ADGRL1: variants seen among roughly 807,000 people sequenced by gnomAD.
The protein encoded by ADGRL1 is adhesion G protein-coupled receptor L1.
In ADGRL1, 31 loss-of-function variants were observed where a neutral mutation model predicts 148.9. The ratio of observed to expected loss-of-function variants is 0.21; its 90% CI spans 0.16 to 0.28. The LOEUF (loss-of-function observed/expected upper bound fraction) is 0.28, where lower values mean the gene tolerates loss of function less well. ADGRL1 is among the 10% of genes least tolerant of loss of function. The probability of loss-of-function intolerance (pLI) is 1.00; values close to 1 mark genes in which losing one functional copy is unlikely to be tolerated. For synonymous variants in ADGRL1, 937 were observed against 900.3 expected (o/e 1.04, Z -0.73); for missense variants, 1,521 against 2,058.8 (o/e 0.74, Z 5.05).
chr19:14,200,863 C>A (rs1972555101), intron 1 of ADGRL1, among the ~76,000 whole-genome samples: 1 of 152,202 alleles, frequency 6.6e-6, no homozygotes, highest in African/African-American at 2.4e-5. Context: ...AGTGATCCTC[C>A]TGCCTCAGCC....
At chr19:14,172,603 G>A (rs1284543549) in intron 3 of ADGRL1, among the ~76,000 whole-genome samples, 1 of 152,010 alleles carries the variant, frequency 6.6e-6, no homozygotes, top group African/African-American at 2.4e-5. Context: ...AGCCAGGCGT[G>A]GTGGGGCGCA....
chr19:14,159,655 G>A lies in ADGRL1; in HGVS notation c.1840-71C>T. 3 of 1,593,084 alleles carry A rather than the reference G, an allele frequency of 1.9e-6. No individual in the cohort carries two copies. Among genetic ancestry groups the A allele is most frequent in the Non-Finnish European group, 2.6e-6 (3 of 1,162,356 alleles). ...TAATTCCTGGGGGTGGGCTCTGCAT[G>A]CCCTCTTCTCAACCTCCACCCCTAA... On this transcript the variant is annotated intron_variant, in intron 9 of 22. Coordinates refer to ENST00000361434, the MANE Select transcript of ADGRL1 (RefSeq NM_014921.5). This position sits in a 1 kb window ranked among gnomAD's most constrained non-coding sequence, Gnocchi z 6.0.
intron 1 of ADGRL1, among the ~76,000 whole-genome samples, chr19:14,188,136 T>G (rs1971701341): frequency 6.6e-6 from 1 of 152,224 alleles, no homozygotes; most frequent in South Asian, 2.1e-4. Context: ...GGGAAGCCAC[T>G]CGATGCCAAA....
intron 1 of ADGRL1, among the ~76,000 whole-genome samples, chr19:14,196,201 T>C (rs1045269291): frequency 1.3e-5 from 2 of 152,244 alleles, no homozygotes; most frequent in South Asian, 2.1e-4. Context: ...GTCTACAGTA[T>C]GTTTCCCCCA....
chr19:14,195,835 G>A (rs1972224101), intron 1 of ADGRL1, among the ~76,000 whole-genome samples: 1 of 152,152 alleles, frequency 6.6e-6, no homozygotes. Context: ...TGCCCAGAGA[G>A]GGCCCAGGTA....
chr19:14,166,604 G>A (rs947308107), intron 4 of ADGRL1, among the ~76,000 whole-genome samples: 2 of 151,920 alleles, frequency 1.3e-5, no homozygotes, highest in Admixed American at 6.6e-5. Flanking sequence ...GAGAGAGACA[G>A]CTCACCCGGT....
In ADGRL1 at chr19:14,150,842, G is replaced by C; in HGVS notation, c.*31C>G. The C allele has an allele frequency of 6.2e-7, 1 of 1,601,516 alleles. No homozygotes were observed. Among genetic ancestry groups the C allele is most frequent in the Non-Finnish European group, 8.5e-7 (1 of 1,175,170 alleles). On this transcript the variant is annotated 3_prime_UTR_variant, in exon 23 of 23. Coordinates refer to ENST00000361434, the MANE Select transcript of ADGRL1 (RefSeq NM_014921.5). ...CTGCCCAGGGTTCCCTCCCTGGCCT[G>C]GGCCACCAGCCCCTGGTCCATGAGG...
At chr19:14,156,851 G>C (rs1968814164) in intron 15 of ADGRL1, 74 bp downstream of exon 15, 1 of 1,553,148 alleles carries the variant, frequency 6.4e-7, no homozygotes, top group African/African-American at 1.4e-5. Flanking sequence ...ACCGCCCTGA[G>C]GGTCCTGGTC....
intron 1 of ADGRL1, among the ~76,000 whole-genome samples, chr19:14,195,573 C>T (rs537051644): frequency 2.0e-5 from 3 of 152,288 alleles, no homozygotes; most frequent in East Asian, 3.9e-4. Context: ...CCTCTGGCTG[C>T]ATCTCCTGCC....
Position 14,156,219 on chromosome 19 carries a change from G to A in ADGRL1, c.3034-18C>T, listed in dbSNP as rs1968727488. ...AGGTTGACCTGGGGGCGGGACAAGG[G>A]GCAGGCTGGGCTGAGAGTGGCCCTG... On this transcript the variant is annotated intron_variant, in intron 16 of 22. Transcript: ENST00000361434. 1 of 1,593,362 alleles carries A rather than the reference G, an allele frequency of 6.3e-7. No homozygotes were observed. The highest frequency in any genetic ancestry group is 1.3e-5 in the African/African-American group (1 of 74,540).
At chr19:14,183,223 G>GAGAGAGAGAGAGAGAGAGAGAC (rs1568616276) in intron 2 of ADGRL1, among the ~76,000 whole-genome samples, 2 of 152,016 alleles carry the variant, frequency 1.3e-5, no homozygotes, top group African/African-American at 4.8e-5. Context: ...GAGAGCGAGA[G>GAGAGAGAGAGAGAGAGAGAGAC]AGAGACAGAG....
chr19:14,151,715 C>T (rs2144600824), intron 22 of ADGRL1, 100 bp from the exon 23 acceptor site: 1 of 1,225,470 alleles, frequency 8.2e-7, no homozygotes, highest in Admixed American at 2.3e-5. Flanking sequence ...GGCTTGATTC[C>T]TGCTGGTTTT....
chr19:14,160,304 G>A lies in ADGRL1; in HGVS notation c.1615-7C>T. 1.0e-5 allele frequency: 16 copies of A among 1,584,936 alleles called. No individual in the cohort carries two copies. The highest frequency in any genetic ancestry group is 1.4e-5 in the Non-Finnish European group (16 of 1,157,552). ...CGTTCTCCCCACTCTTGATCTGCAT[G>A]AGGTGGGGGCGGGAAGGGGGAATCC... On this transcript the variant is annotated splice_polypyrimidine_tract_variant and splice_region_variant and intron_variant, in intron 7 of 22. Transcript: ENST00000361434. This position sits in a 1 kb window ranked among gnomAD's most constrained non-coding sequence, Gnocchi z 5.9.
Position 14,155,446 on chromosome 19 carries a change from C to G in ADGRL1, c.3207G>C (p.Glu1069Asp). Residue 1069 changes from glutamate to aspartate, a missense_variant, in exon 18 of 23, where the codon GAG becomes GAC. By Grantham distance (45) the Glu-to-Asp change is conservative (BLOSUM62 2). Around this residue, in one of 8 missense-constraint regions of ADGRL1, gnomAD observed 185 missense variants for 251.7 expected, o/e 0.74. Coordinates refer to ENST00000361434, the MANE Select transcript of ADGRL1 (RefSeq NM_014921.5). The surrounding 1 kb of genome is among the most constrained non-coding windows in gnomAD (Gnocchi z 5.0). Reference protein sequence around the residue: ...WAFGLLFINKESVVMAYLFTT... With the variant: ...WAFGLLFINKDSVVMAYLFTT... The stretch of plus-strand genomic sequence containing the variant: ...TGAAGAGATAGGCCATGACCACCGA[C>G]TCCTTGTTGATGAAGAGGAGGCCGA... 1 of 1,614,190 alleles carries G rather than the reference C, an allele frequency of 6.2e-7. No individual in the cohort carries two copies. Among genetic ancestry groups the G allele is most frequent in the Non-Finnish European group, 8.5e-7 (1 of 1,180,014 alleles).
rs780023080 is a variant in ADGRL1 at position 14,155,684 on chromosome 19, C to G, written c.3126-157G>C. The stretch of plus-strand genomic sequence containing the variant: ...AGTGGGCCTTGGGGGCAGTGGCCTG[C>G]CCAGGACACCTCCACCGGAGCCTGG... On this transcript the variant is annotated intron_variant, in intron 17 of 22. Coordinates refer to ENST00000361434, the MANE Select transcript of ADGRL1 (RefSeq NM_014921.5). The surrounding 1 kb of genome is among the most constrained non-coding windows in gnomAD (Gnocchi z 5.0). The G allele has an allele frequency of 3.0e-6, 2 of 659,860 alleles. No individual in the cohort carries two copies. The highest frequency in any genetic ancestry group is 5.5e-5 in the East Asian group (2 of 36,516). 40.9% of individuals were successfully genotyped at this position (659,860 alleles called of 1,614,324 possible).
intron 1 of ADGRL1, among the ~76,000 whole-genome samples, chr19:14,193,260 GC>G (rs199535394): frequency 0.027 from 1,719 of 63,392 alleles, 17 homozygotes; most frequent in South Asian, 0.046. Flanking sequence ...ATGGCCCCCC[GC>G]CCCCACCGCC....
chr19:14,152,914 TG>T lies in ADGRL1; in HGVS notation c.3295-3del. On this transcript the variant is annotated splice_region_variant and splice_polypyrimidine_tract_variant and intron_variant, in intron 18 of 22. Coordinates refer to ENST00000361434, the MANE Select transcript of ADGRL1 (RefSeq NM_014921.5). The surrounding 1 kb of genome is among the most constrained non-coding windows in gnomAD (Gnocchi z 6.1). ...GCACTTGCTGTACTCCTTGTGCACC[TG>T]GGAGGTGGAGGACAGTCAGCTGGCT... is the stretch of plus-strand genomic sequence containing the variant. 1 of 1,613,712 alleles carries T rather than the reference TG, an allele frequency of 6.2e-7. No individual in the cohort carries two copies.
In ADGRL1 at chr19:14,162,284, A is replaced by G. The variant is rs916900465; in HGVS notation, c.1195+322T>C. Among the ~76,000 whole-genome samples, 2 of 152,192 alleles carry G rather than the reference A, an allele frequency of 1.3e-5. No homozygotes were observed. The highest frequency in any genetic ancestry group is 4.1e-4 in the South Asian group (2 of 4,828). On this transcript the variant is annotated intron_variant, in intron 5 of 22. Transcript: ENST00000361434. This position sits in a 1 kb window ranked among gnomAD's most constrained non-coding sequence, Gnocchi z 5.4. ...AAGGGTTCCTGGAGTAAAGGTGCCC[A>G]GGCCCCTGGGAGAGGCACTGCAGTT... is the stretch of plus-strand genomic sequence containing the variant.
chr19:14,171,509 T>C (rs1024282859), intron 3 of ADGRL1, among the ~76,000 whole-genome samples: 4 of 152,210 alleles, frequency 2.6e-5, no homozygotes, highest in African/African-American at 9.7e-5. Context: ...ATTATATCCT[T>C]GGCATTTTTC....
Sources: gnomAD v4.1 joint callset for allele counts (sites outside exome capture counted in the v4.1 genomes callset) on GRCh38, gnomAD v4.1.1 for gene constraint, gnomAD v4.1.1 regional missense constraint, Gnocchi (gnomAD v3.1) non-coding constraint, MANE v1.5 for transcripts, NCBI Gene and HGNC (gene_info 2026-07-23, HGNC 2026-07-21) for gene names.